Variants in RGS6 observed in about 807,000 individuals in gnomAD.
The protein encoded by RGS6 is regulator of G-protein signaling 6.
In RGS6, 30 loss-of-function variants were observed where a neutral mutation model predicts 78.5. The ratio of observed to expected loss-of-function variants is 0.38; its 90% CI spans 0.29 to 0.52. The LOEUF (loss-of-function observed/expected upper bound fraction) is 0.52, where lower values mean the gene tolerates loss of function less well. Among genes scored for constraint, RGS6 ranks in the 20% least tolerant of loss-of-function variants. The pLI is 0.85. For synonymous variants in RGS6, 206 were observed against 206.0 expected (o/e 1.00, Z 0.00); for missense variants, 495 against 609.7 (o/e 0.81, Z 1.98).
At chr14:72,390,583 TCACA>T (rs149159412) in intron 3 of RGS6, among the ~76,000 whole-genome samples, 1 of 151,500 alleles carries the variant, frequency 6.6e-6, no homozygotes, top group Non-Finnish European at 1.5e-5. Flanking sequence ...TGGGATACTT[TCACA>T]CACACACACA....
intron 17 of RGS6, among the ~76,000 whole-genome samples, chr14:72,553,840 A>T (rs1451566167): frequency 6.6e-6 from 1 of 152,020 alleles, no homozygotes; most frequent in African/African-American, 2.4e-5. Flanking sequence ...TAGCAATCTC[A>T]CATTTCTACA....
intron 14 of RGS6, among the ~76,000 whole-genome samples, chr14:72,515,105 G>T (rs937956603): frequency 3.3e-5 from 5 of 152,218 alleles, no homozygotes; most frequent in African/African-American, 1.2e-4. Flanking sequence ...GCTGTTGCCT[G>T]AGAGAGACAA....
At chr14:72,523,773 G>A (rs2097083111) in intron 15 of RGS6, among the ~76,000 whole-genome samples, 2 of 152,160 alleles carry the variant, frequency 1.3e-5, no homozygotes, top group South Asian at 4.1e-4. Flanking sequence ...GCTGTTTGCT[G>A]TGTTGTTCCA....
intron 2 of RGS6, among the ~76,000 whole-genome samples, chr14:72,247,853 G>T (rs1184765195): frequency 6.6e-6 from 1 of 152,128 alleles, no homozygotes; most frequent in Non-Finnish European, 1.5e-5. Context: ...ACAACATAAA[G>T]ACCCTCACCA....
chr14:72,547,111 C>T (rs981037561), intron 17 of RGS6: 18 of 1,485,288 alleles, frequency 1.2e-5, no homozygotes, highest in East Asian at 2.5e-5. Context: ...GGATAAACAG[C>T]GGGAAGGCCG....
the RGS6 span, among the ~76,000 whole-genome samples, chr14:72,572,653 G>C: frequency 6.6e-6 from 1 of 152,130 alleles, no homozygotes; most frequent in African/African-American, 2.4e-5. Context: ...AAGGTGGGGT[G>C]GAAATGAAAA....
At chr14:72,434,817 C>G (rs975284084) in intron 3 of RGS6, among the ~76,000 whole-genome samples, 1 of 152,186 alleles carries the variant, frequency 6.6e-6, no homozygotes, top group South Asian at 2.1e-4. Context: ...ATCTCTTGAG[C>G]CTCTGTGATG....
At chr14:72,341,618 C>A (rs1308995085) in intron 2 of RGS6, among the ~76,000 whole-genome samples, 1 of 152,250 alleles carries the variant, frequency 6.6e-6, no homozygotes, top group East Asian at 1.9e-4. Context: ...TGTCCAGAAG[C>A]AAAACAGGCT....
chr14:72,318,012 C>G (rs1303457573), intron 2 of RGS6, among the ~76,000 whole-genome samples: 1 of 152,148 alleles, frequency 6.6e-6, no homozygotes, highest in Non-Finnish European at 1.5e-5. Context: ...GGCAACTGTA[C>G]TTTTCCTCCA....
At chr14:71,981,980 A>T (rs1228323663) in intron 2 of RGS6, among the ~76,000 whole-genome samples, 2 of 151,242 alleles carry the variant, frequency 1.3e-5, no homozygotes, top group Non-Finnish European at 2.9e-5. Flanking sequence ...GTGGGATATA[A>T]TCTCGTGGTG....
intron 2 of RGS6, among the ~76,000 whole-genome samples, chr14:72,296,273 T>G (rs559824778): frequency 2.0e-5 from 3 of 152,354 alleles, no homozygotes; most frequent in Non-Finnish European, 2.9e-5. Flanking sequence ...TTATGGACAC[T>G]TGGAATGTCT....
intron 3 of RGS6, among the ~76,000 whole-genome samples, chr14:72,409,903 T>C (rs1485572048): frequency 2.6e-5 from 4 of 152,220 alleles, no homozygotes; most frequent in African/African-American, 4.8e-5. Flanking sequence ...TCATCCTTTT[T>C]TATGGCTGCA....
chr14:72,104,242 C>T (rs962694254), intron 2 of RGS6, among the ~76,000 whole-genome samples: 3 of 152,280 alleles, frequency 2.0e-5, no homozygotes, highest in African/African-American at 7.2e-5. Flanking sequence ...AGCTGTCCCA[C>T]GTTGTCTTGC....
At chr14:72,011,778 TG>T (rs1328383373) in intron 2 of RGS6, among the ~76,000 whole-genome samples, 2 of 151,984 alleles carry the variant, frequency 1.3e-5, no homozygotes, top group African/African-American at 2.4e-5. Flanking sequence ...TGGTATCCTC[TG>T]GGGGGGTACT....
chr14:72,517,412 T>G (rs1233485531), intron 14 of RGS6, among the ~76,000 whole-genome samples: 1 of 152,214 alleles, frequency 6.6e-6, no homozygotes. Flanking sequence ...GAACCATCCT[T>G]AAGACCCGGT....
chr14:72,578,571 A>G, the RGS6 span, among the ~76,000 whole-genome samples: 78 of 152,356 alleles, frequency 5.1e-4, 2 homozygotes, highest in East Asian at 0.015. Flanking sequence ...CACTCAGTGC[A>G]ATTTAACAAA....
the RGS6 span, among the ~76,000 whole-genome samples, chr14:72,625,559 G>A: frequency 6.6e-6 from 1 of 152,106 alleles, no homozygotes; most frequent in Non-Finnish European, 1.5e-5. Context: ...AGAGAATGGT[G>A]TTTAGAAACC....
intron 17 of RGS6, chr14:72,547,412 C>G: frequency 8.0e-7 from 1 of 1,244,220 alleles, no homozygotes. Flanking sequence ...AAAATGAGCT[C>G]CTGGTGGAAA....
chr14:72,262,681 T>C (rs1339799054), intron 2 of RGS6, among the ~76,000 whole-genome samples: 1 of 152,220 alleles, frequency 6.6e-6, no homozygotes, highest in East Asian at 1.9e-4. Context: ...ATATGTTTAT[T>C]CTCCAAATTT....
Sources: gnomAD v4.1 joint callset for allele counts (sites outside exome capture counted in the v4.1 genomes callset) on GRCh38, gnomAD v4.1.1 for gene constraint, MANE v1.5 for transcripts, NCBI Gene and HGNC (gene_info 2026-07-23, HGNC 2026-07-21) for gene names.